The following HR variants were observed in gnomAD, a reference collection of about 807,000 sequenced individuals.
HR encodes HR lysine demethylase and nuclear receptor corepressor.
In HR, 83 loss-of-function variants were observed where a neutral mutation model predicts 128.6. The ratio of observed to expected loss-of-function variants is 0.65; its 90% CI spans 0.54 to 0.77. The LOEUF is 0.77. HR is among the 30% of genes least tolerant of loss of function. The pLI, the probability that HR is intolerant of heterozygous loss-of-function variation, is 0.00. For missense variants in HR, 1,490 were observed against 1,574.6 expected (o/e 0.95, Z 0.91); for synonymous variants, 681 against 658.2 (o/e 1.03, Z -0.53).
intron 5 of HR, among the ~76,000 whole-genome samples, chr8:22,124,120 T>A (rs1826827309): frequency 6.6e-6 from 1 of 152,194 alleles, no homozygotes. Flanking sequence ...TGGCCCTGAA[T>A]TATTAATCCA....
At chr8:22,123,616 A>AGGC in intron 6 of HR, 33 bp downstream of exon 6, 3 of 562,348 alleles carry the variant, frequency 5.3e-6, no homozygotes, top group Non-Finnish European at 9.0e-6. Flanking sequence ...TGAGGGCTCC[A>AGGC]TCCCGCCCTC....
chr8:22,130,191 G>C (rs1411757578), intron 1 of HR, among the ~76,000 whole-genome samples: 5 of 152,234 alleles, frequency 3.3e-5, no homozygotes, highest in African/African-American at 1.2e-4. Context: ...GGTCCCTTCG[G>C]CCAGAGCGAC....
At position 22,123,711 on chromosome 8, in the gene HR, C is replaced by A. The variant is rs559154573; in HGVS notation, c.1853G>T (p.Ser618Ile). ...FNTHWRCPRC[S>I]HRLCVACGRV... Reference sequence around the variant, plus strand: ...ACCACAGGCCACACACAGCCGGTGGCTGCAGCGGGGACATCGCCAGTGGGT... The same window carrying A: ...ACCACAGGCCACACACAGCCGGTGGATGCAGCGGGGACATCGCCAGTGGGT... Residue 618 changes from serine to isoleucine, a missense_variant, in exon 6 of 19, where the codon AGC (serine) becomes ATC (isoleucine). Ser to Ile is a moderately radical substitution (Grantham distance 142). Coordinates refer to ENST00000381418, the MANE Select transcript of HR (RefSeq NM_005144.5). 2.5e-6 allele frequency: 4 copies of A among 1,573,446 alleles called. No individual in the cohort carries two copies. The South Asian group carries it at 4.6e-5, about 18-fold the overall frequency.
rs760827763 is a variant in HR at position 22,129,035 on chromosome 8, G to A, written c.136C>T (p.Pro46Ser). The A allele has an allele frequency of 1.9e-5, 31 of 1,605,442 alleles. No homozygotes were observed. In the South Asian group the frequency reaches 3.0e-4, roughly 15 times the overall value. Reference sequence around the variant, plus strand: ...AGGACGCCCCTCCAAAAGGGAGCAGGCTCTCCCAGGCACAGCGGCCCATGG... The same window carrying A: ...AGGACGCCCCTCCAAAAGGGAGCAGACTCTCCCAGGCACAGCGGCCCATGG... ...LHHGPLCLGE[P>S]APFWRGVLST... The change falls in exon 2 of 19, where the codon CCT (proline) becomes TCT (serine). Residue 46 changes from proline (P) to serine (S), a missense_variant. Around this residue, in one of 3 missense-constraint regions of HR, gnomAD observed 1,060 missense variants for 1,060.9 expected, o/e 1.00. Coordinates refer to ENST00000381418, the MANE Select transcript of HR (RefSeq NM_005144.5).
chr8:22,128,061 A>G, intron 2 of HR: 1 of 614,868 alleles, frequency 1.6e-6, no homozygotes, highest in Non-Finnish European at 2.9e-6. Context: ...AGAACTAAAG[A>G]GTGAATGCCT....
In HR at chr8:22,120,522, G is replaced by A. The variant is rs779962253; in HGVS notation, c.2611-15C>T. The A allele has an allele frequency of 6.2e-7, 1 of 1,613,400 alleles. No homozygotes were observed. The highest frequency in any genetic ancestry group is 1.1e-5 in the South Asian group (1 of 91,082). ...ACCAACACAGGCTGTGGTGGGAAAG[G>A]AAGGAGGCCATGAGGAGAATGGCCA... On this transcript the variant is annotated splice_polypyrimidine_tract_variant and intron_variant, in intron 11 of 18. Coordinates refer to ENST00000381418, the MANE Select transcript of HR (RefSeq NM_005144.5).
chr8:22,122,651 G>A (rs768324837), intron 7 of HR, 43 bp from the exon 8 acceptor site: 11 of 1,535,750 alleles, frequency 7.2e-6, no homozygotes, highest in South Asian at 7.0e-5. Flanking sequence ...GGTGGTGAGT[G>A]TAGACCAACA....
In HR at chr8:22,122,506, TC is replaced by T; in HGVS notation, c.2107del (p.Asp703MetfsTer199). ...QADARVWAPG[D>X]AGQQKESTQK... ...CCTGGGTCTTACCTGCTGGCCTGCA[TC>T]CCCGGGGGCCCATACCCGGGCATCA... On this transcript the variant is annotated frameshift_variant, in exon 8 of 19. Coordinates refer to ENST00000381418, the MANE Select transcript of HR (RefSeq NM_005144.5). LOFTEE classifies it high-confidence loss of function. The T allele has an allele frequency of 6.2e-7, 1 of 1,607,750 alleles. No homozygotes were observed. The highest frequency in any genetic ancestry group is 8.5e-7 in the Non-Finnish European group (1 of 1,177,474).
At position 22,127,679 on chromosome 8, in the gene HR, T is replaced by A; in HGVS notation, c.763A>T (p.Met255Leu). The A allele has an allele frequency of 6.2e-7, 1 of 1,609,688 alleles. No individual in the cohort carries two copies. The highest frequency in any genetic ancestry group is 1.1e-5 in the South Asian group (1 of 91,066). Residue 255 changes from methionine to leucine, a missense_variant, in exon 3 of 19, where the codon ATG becomes TTG. Transcript: ENST00000381418. ...RPSLHQRDGE[M>L]GAGRQQNPCP... ...GGATTCTGCTGCCGGCCAGCTCCCA[T>A]CTCTCCATCCCTCTGGTGCAGTGAA...
chr8:22,127,259 G>T lies in HR; in HGVS notation c.1183C>A (p.Arg395Ser), dbSNP rs201554435. The T allele has an allele frequency of 6.2e-7, 1 of 1,613,058 alleles. No individual in the cohort carries two copies. The highest frequency in any genetic ancestry group is 1.7e-5 in the Admixed American group (1 of 60,010). The change falls in exon 3 of 19, where the codon CGC becomes AGC. Residue 395 changes from arginine (R) to serine (S), a missense_variant. Physicochemically the swap from Arg to Ser is moderately radical, Grantham distance 110 (BLOSUM62 -1). Coordinates refer to ENST00000381418, the MANE Select transcript of HR (RefSeq NM_005144.5). ...TRHSEQFECP[R>S]GCPEVEERPV... ...CTCTCCTCGACCTCAGGGCAGCCGC[G>T]TGGACATTCAAACTGCTCCGAGTGC...
In HR at chr8:22,119,873, G is replaced by T. The variant is rs1326960816; in HGVS notation, c.2864C>A (p.Ala955Asp). Residue 955 changes from alanine (A) to aspartate (D), a missense_variant, in exon 14 of 19, where the codon GCC becomes GAC. Physicochemically the swap from Ala to Asp is moderately radical, Grantham distance 126. Around this residue, in one of 3 missense-constraint regions of HR, gnomAD observed 423 missense variants for 495.9 expected, o/e 0.85. Transcript: ENST00000381418. ...GCAGTACTCCGGAAGTGGCAGACTG[G>T]CAGCTAGGTTCTCCACCCTGTCAGG... is the stretch of plus-strand genomic sequence containing the variant. ...EDTSRVENLA[A>D]SLPLPEYCAL... 3 of 1,613,652 alleles carry T rather than the reference G, an allele frequency of 1.9e-6. No homozygotes were observed. The South Asian group carries it at 3.3e-5, about 18-fold the overall frequency.
At chr8:22,128,538 C>G (rs1165002590) in intron 2 of HR, 21 bp downstream of exon 2, 1 of 1,611,284 alleles carries the variant, frequency 6.2e-7, no homozygotes, top group Non-Finnish European at 8.5e-7. Context: ...CCACAGGTAC[C>G]CTCTCTGCCC....
In HR at chr8:22,119,792, C is replaced by T. The variant is rs200243478; in HGVS notation, c.2945G>A (p.Arg982His). 197 of 1,613,176 alleles carry T rather than the reference C, an allele frequency of 1.2e-4. No individual in the cohort carries two copies. The highest frequency in any genetic ancestry group is 1.5e-4 in the Non-Finnish European group (172 of 1,179,704). ...TGCCCAGAGCTGGGGCTCCAGTGGA[C>T]GCAGGGCAAGGCCCGGTGGGAGGTA... ...ASYLPPGLAL[R>H]PLEPQLWAAY... Residue 982 changes from arginine (R) to histidine (H), a missense_variant, in exon 14 of 19, where the codon CGT becomes CAT. Coordinates refer to ENST00000381418, the MANE Select transcript of HR (RefSeq NM_005144.5).
At chr8:22,122,740 C>A (rs1026498337) in intron 7 of HR, 50 bp downstream of exon 7, 5 of 1,523,148 alleles carry the variant, frequency 3.3e-6, no homozygotes, top group South Asian at 1.2e-5. Flanking sequence ...GGAAGCTGGT[C>A]TCCCTCAGGA....
intron 9 of HR, 25 bp downstream of exon 9, chr8:22,121,588 C>A: frequency 6.2e-7 from 1 of 1,611,224 alleles, no homozygotes; most frequent in Non-Finnish European, 8.5e-7. Context: ...CTTGCACAGG[C>A]CGAGGGGCAA....
At position 22,128,940 on chromosome 8, in the gene HR, C is replaced by T; in HGVS notation, c.231G>A (p.Glu77=). ...QGPKDMLPLV[E]GEGPQNGERK... is the part of the protein sequence containing the mutation. The stretch of plus-strand genomic sequence containing the variant: ...TCTCCCCATTCTGGGGGCCCTCGCC[C>T]TCCACAAGTGGGAGCATGTCCTTGG... The change falls in exon 2 of 19, where the codon GAG becomes GAA. Residue 77 remains glutamate, a synonymous_variant. Transcript: ENST00000381418. 5.0e-6 allele frequency: 8 copies of T among 1,613,492 alleles called. No individual in the cohort carries two copies. The highest frequency in any genetic ancestry group is 2.2e-5 in the East Asian group (1 of 44,892).
Position 22,115,863 on chromosome 8 carries a change from G to A in HR, c.3508-101C>T, listed in dbSNP as rs1408390286. 3 of 1,153,926 alleles carry A rather than the reference G, an allele frequency of 2.6e-6. No homozygotes were observed. The African/African-American group carries it at 4.6e-5, about 18-fold the overall frequency. The allele number at this position is 1,153,926 out of a possible 1,614,324, so 71.5% of individuals were successfully genotyped here. A position where few individuals can be genotyped will look rare whatever the true frequency, so the allele number is the denominator to read the frequency against. On this transcript the variant is annotated intron_variant, in intron 18 of 18. Transcript: ENST00000381418. ...AGGAATACTCTGGCCAGATGCGGTG[G>A]CTCACACCTGTAATCCCAGCACTTT...
Position 22,127,712 on chromosome 8 carries a change from C to A in HR, c.730G>T (p.Glu244Ter). 6.2e-7 allele frequency: 1 copy of A among 1,607,302 alleles called. No homozygotes were observed. Among genetic ancestry groups the A allele is most frequent in the Non-Finnish European group, 8.5e-7 (1 of 1,180,002 alleles). The change falls in exon 3 of 19, where the codon GAA (glutamate) becomes TAA (stop). Residue 244 changes from glutamate to a stop codon, truncating the protein, a stop_gained. Coordinates refer to ENST00000381418, the MANE Select transcript of HR (RefSeq NM_005144.5). LOFTEE classifies it high-confidence loss of function. ...GGHLQRAGEA[E>*]RPSLHQRDGE... ...TCCCTCTGGTGCAGTGAAGGGCGTT[C>A]GGCCTCCCCGGCTCTCTGCAGGTGC...
chr8:22,121,245 T>C lies in HR; in HGVS notation c.2204-17A>G. Reference sequence around the variant, plus strand: ...CGGGGGTCTCTGTCAGGGAGGAAGATGGTGGGGGGCTTCGCGTTTGGTCCC... The same window carrying C: ...CGGGGGTCTCTGTCAGGGAGGAAGACGGTGGGGGGCTTCGCGTTTGGTCCC... On this transcript the variant is annotated splice_polypyrimidine_tract_variant and intron_variant, in intron 9 of 18. Transcript: ENST00000381418. 1.2e-6 allele frequency: 2 copies of C among 1,612,650 alleles called. No individual in the cohort carries two copies. The highest frequency in any genetic ancestry group is 2.7e-5 in the African/African-American group (2 of 74,996).
Sources: allele counts gnomAD v4.1 joint callset (sites outside exome capture counted in the v4.1 genomes callset), GRCh38; gene constraint gnomAD v4.1.1; regional missense constraint gnomAD v4.1.1; transcripts MANE v1.5; gene names NCBI Gene and HGNC (gene_info 2026-07-23, HGNC 2026-07-21).